RGPD2: variants seen among roughly 807,000 people sequenced by gnomAD.
RGPD2 encodes RANBP2-like and GRIP domain-containing protein 2.
A neutral mutation model predicts 36.0 loss-of-function variants in RGPD2; 2 were observed. The observed-to-expected ratio is 0.06, with a 90% confidence interval of 0.02 to 0.17. RGPD2 has a LOEUF of 0.17. Ranked by LOEUF, RGPD2 falls within the 10% of genes least tolerant of loss-of-function variation. The pLI, the probability that RGPD2 is intolerant of heterozygous loss-of-function variation, is 1.00. For missense variants in RGPD2, 40 were observed against 464.3 expected, an observed-to-expected ratio of 0.09 and a Z score of 8.40; for synonymous variants, 19 against 163.8, an observed-to-expected ratio of 0.12 and a Z score of 6.75.
chr2:87,763,431 A>G lies in RGPD2; in HGVS notation c.5237-6005T>C, dbSNP rs1684956636. 3.7e-5 allele frequency among the ~76,000 whole-genome samples: 5 copies of G among 135,426 alleles called. 1 individual carries two copies. The highest frequency in any genetic ancestry group is 2.3e-4 in the Admixed American group (3 of 13,280). The allele number at this position is 135,426 out of a possible 152,430, so 88.8% of individuals were successfully genotyped here. A position where few individuals can be genotyped will look rare whatever the true frequency, so the allele number is the denominator to read the frequency against. ...CTCAGCCTCCCAAAGTGCTGGGATT[A>G]CAGGAGTGAGCCACCACACCCAGCC... is the stretch of plus-strand genomic sequence containing the variant. On this transcript the variant is annotated intron_variant, in intron 22 of 22. Transcript: ENST00000398146.
the RGPD2 span, among the ~76,000 whole-genome samples, chr2:87,963,836 T>TC: frequency 1.4e-5 from 1 of 71,200 alleles, no homozygotes; most frequent in Non-Finnish European, 2.8e-5. Context: ...TTTCTTTCTT[T>TC]CTTTTTTTTT....
the RGPD2 span, among the ~76,000 whole-genome samples, chr2:87,863,694 A>G: frequency 2.0e-5 from 3 of 151,396 alleles, no homozygotes; most frequent in African/African-American, 4.9e-5. Context: ...ATACACAAAT[A>G]CGTGTGTGTG....
At chr2:87,852,899 T>C in the RGPD2 span, among the ~76,000 whole-genome samples, 5 of 152,222 alleles carry the variant, frequency 3.3e-5, no homozygotes, top group African/African-American at 1.2e-4. Flanking sequence ...GTATTACAAA[T>C]TTTTTACATT....
At chr2:87,985,044 T>C in the RGPD2 span, among the ~76,000 whole-genome samples, 1 of 140,538 alleles carries the variant, frequency 7.1e-6, no homozygotes, top group East Asian at 2.1e-4. Flanking sequence ...TTTTTCAGAG[T>C]GACCCAGGCA....
the RGPD2 span, among the ~76,000 whole-genome samples, chr2:87,832,714 G>A: frequency 2.6e-5 from 4 of 152,132 alleles, no homozygotes; most frequent in Non-Finnish European, 5.9e-5. Context: ...CCAGCACTTT[G>A]GGAGGCTGCG....
At chr2:87,958,208 T>C in the RGPD2 span, among the ~76,000 whole-genome samples, 1 of 152,082 alleles carries the variant, frequency 6.6e-6, no homozygotes, top group Non-Finnish European at 1.5e-5. Flanking sequence ...TAACTCCATA[T>C]GGTTAATTGT....
the RGPD2 span, among the ~76,000 whole-genome samples, chr2:87,879,033 A>G: frequency 6.6e-6 from 1 of 152,266 alleles, no homozygotes. Flanking sequence ...TAGTGCTACA[A>G]TAAACATGGG....
intron 1 of RGPD2, 61 bp downstream of exon 1, chr2:87,825,597 G>GC (rs1301842588): frequency 5.5e-6 from 7 of 1,277,956 alleles, no homozygotes; most frequent in East Asian, 4.1e-5. Context: ...CCGCCGCCCG[G>GC]CCAGGTCGAG....
chr2:87,882,780 T>C, the RGPD2 span, among the ~76,000 whole-genome samples: 3 of 152,212 alleles, frequency 2.0e-5, no homozygotes, highest in African/African-American at 7.2e-5. Context: ...CATCAATGTT[T>C]TATAGTTTTC....
upstream of RGPD2, among the ~76,000 whole-genome samples, chr2:87,827,325 G>A (rs529119641): frequency 1.6e-4 from 24 of 152,376 alleles, no homozygotes; most frequent in East Asian, 4.4e-3. Flanking sequence ...CTTATTGTAT[G>A]GCAGAAGGAG....
At chr2:87,984,094 T>TC in the RGPD2 span, among the ~76,000 whole-genome samples, 1 of 129,606 alleles carries the variant, frequency 7.7e-6, no homozygotes, top group African/African-American at 2.8e-5. Context: ...GAAATATGAA[T>TC]AAAAAAATAA....
chr2:87,947,459 G>A, the RGPD2 span, among the ~76,000 whole-genome samples: 3 of 152,268 alleles, frequency 2.0e-5, no homozygotes, highest in South Asian at 4.1e-4. Context: ...GGCTTCCTTC[G>A]GTCCTGGATG....
At chr2:87,939,822 A>G in the RGPD2 span, among the ~76,000 whole-genome samples, 1 of 152,006 alleles carries the variant, frequency 6.6e-6, no homozygotes, top group Non-Finnish European at 1.5e-5. Flanking sequence ...GTGCTGTTTG[A>G]GTCAATCATT....
At chr2:87,897,064 G>A in the RGPD2 span, among the ~76,000 whole-genome samples, 16 of 152,288 alleles carry the variant, frequency 1.1e-4, no homozygotes, top group Admixed American at 2.0e-4. Context: ...AAAGTAGCTT[G>A]TTACCAAAAA....
At chr2:87,825,445 G>A (rs1272356838) in intron 1 of RGPD2, among the ~76,000 whole-genome samples, 3 of 98,310 alleles carry the variant, frequency 3.1e-5, no homozygotes, top group East Asian at 2.8e-4. Flanking sequence ...GCCGCCGCCC[G>A]GCCAGGCCGA....
At chr2:87,913,256 A>C in the RGPD2 span, among the ~76,000 whole-genome samples, 21 of 151,560 alleles carry the variant, frequency 1.4e-4, no homozygotes, top group Admixed American at 1.3e-3. Flanking sequence ...ACATGGATAA[A>C]GTTGGAAACC....
At chr2:87,976,200 C>T in the RGPD2 span, among the ~76,000 whole-genome samples, 44 of 151,200 alleles carry the variant, frequency 2.9e-4, no homozygotes, top group Admixed American at 3.3e-4. Flanking sequence ...ATTTACTCCA[C>T]GGAACATACC....
At chr2:87,857,505 G>C in the RGPD2 span, among the ~76,000 whole-genome samples, 1 of 151,426 alleles carries the variant, frequency 6.6e-6, no homozygotes, top group East Asian at 2.0e-4. Context: ...TCCACGCCTG[G>C]CTAATTTTTT....
the RGPD2 span, among the ~76,000 whole-genome samples, chr2:87,883,827 G>A: frequency 6.6e-6 from 1 of 151,966 alleles, no homozygotes; most frequent in African/African-American, 2.4e-5. Flanking sequence ...AAGGAGACAT[G>A]GAATGTGACA....
Sources: gnomAD v4.1 joint callset for allele counts (sites outside exome capture counted in the v4.1 genomes callset) on GRCh38, gnomAD v4.1.1 for gene constraint, MANE v1.5 for transcripts, NCBI Gene and HGNC (gene_info 2026-07-23, HGNC 2026-07-21) for gene names.